ABCE1: variants seen among roughly 807,000 people sequenced by gnomAD.
The protein encoded by ABCE1 is ATP-binding cassette sub-family E member 1.
ABCE1 carries 22 observed loss-of-function variants against 83.4 expected under a neutral mutation model. That is an observed-to-expected ratio of 0.26 (90% CI 0.19 to 0.38). ABCE1 has a LOEUF of 0.38. ABCE1 is among the 10% of genes least tolerant of loss of function. ABCE1 has a pLI of 1.00. For synonymous variants in ABCE1, 204 were observed against 233.7 expected (o/e 0.87, Z 1.16); for missense variants, 330 against 721.9 (o/e 0.46, Z 6.22).
rs34616387 is a variant in ABCE1, at chr4:145,118,582, A to G, written c.922+1168A>G. Among the ~76,000 whole-genome samples the G allele has an allele frequency of 7.1e-3, 1,071 of 151,872 alleles. 7 individuals are homozygous for G. Among genetic ancestry groups the G allele is most frequent in the Middle Eastern group, 0.02 (6 of 294 alleles). Reference sequence around the variant, plus strand: ...TATTGAGTACCTTACTCTATACCATATGGTAGTCTTTGAATCAAGTTGATA... The same window carrying G: ...TATTGAGTACCTTACTCTATACCATGTGGTAGTCTTTGAATCAAGTTGATA... On this transcript the variant is annotated intron_variant, in intron 10 of 17. Transcript: ENST00000296577.
chr4:145,125,127 A>C (rs1749846417), intron 17 of ABCE1, 26 bp downstream of exon 17: 3 of 1,461,338 alleles, frequency 2.1e-6, no homozygotes, highest in Non-Finnish European at 2.9e-6. Context: ...GTCTTAAATC[A>C]TGGATTACTG....
At position 145,112,290 on chromosome 4, in the gene ABCE1, G is replaced by A. The variant is rs1018965403; in HGVS notation, c.762G>A (p.Lys254=). The A allele has an allele frequency of 5.0e-6, 8 of 1,594,076 alleles. No individual in the cohort carries two copies. In the Admixed American group the frequency reaches 8.9e-5, roughly 18 times the overall value. The part of the protein sequence containing the change: ...SSYLDVKQRL[K]AAITIRSLIN... ...ACCTAGATGTCAAGCAGCGTTTAAAGGCTGCTATTACTATACGATCTCTAA... is the reference window on the plus strand; with the variant it reads ...ACCTAGATGTCAAGCAGCGTTTAAAAGCTGCTATTACTATACGATCTCTAA... The change falls in exon 9 of 18, where the codon AAG becomes AAA. Residue 254 remains lysine (K), a synonymous_variant. Coordinates refer to ENST00000296577, the MANE Select transcript of ABCE1 (RefSeq NM_002940.3).
At chr4:145,125,468 AAAAAAT>A in intron 17 of ABCE1, among the ~76,000 whole-genome samples, 1 of 152,184 alleles carries the variant, frequency 6.6e-6, no homozygotes, top group Admixed American at 6.5e-5. Flanking sequence ...ACTCTGTCTA[AAAAAAT>A]AAAAATAAAT....
intron 8 of ABCE1, 129 bp from the exon 9 acceptor site, chr4:145,112,110 A>C (rs1749492891): frequency 1.6e-6 from 1 of 619,590 alleles, no homozygotes; most frequent in African/African-American, 1.9e-5. Flanking sequence ...TAGACTCTTC[A>C]TTACTATTGG....
chr4:145,109,003 G>A, intron 4 of ABCE1, 129 bp from the exon 5 acceptor site: 1 of 645,252 alleles, frequency 1.5e-6, no homozygotes, highest in Non-Finnish European at 2.7e-6. Context: ...GTAATATCTG[G>A]CATATGTTTC....
chr4:145,122,906 G>C (rs568453188), intron 13 of ABCE1, 115 bp from the exon 14 acceptor site: 1 of 677,436 alleles, frequency 1.5e-6, no homozygotes, highest in Non-Finnish European at 2.4e-6. Context: ...ATTGATATCT[G>C]TTGGTGGCAA....
At chr4:145,111,212 G>A in intron 8 of ABCE1, 148 bp downstream of exon 8, 7 of 510,820 alleles carry the variant, frequency 1.4e-5, no homozygotes, top group Non-Finnish European at 2.1e-5. Flanking sequence ...AAGCAGTTGT[G>A]TATCCACTAC....
chr4:145,123,022 G>T lies in ABCE1; in HGVS notation c.1265G>T (p.Gly422Val), dbSNP rs772558441. 1.3e-6 allele frequency: 2 copies of T among 1,560,830 alleles called. No homozygotes were observed. The highest frequency in any genetic ancestry group is 1.7e-6 in the Non-Finnish European group (2 of 1,154,746). ...KPQKISPKSTGSVRQLLHEKI... is the reference protein window; with the variant it reads ...KPQKISPKSTVSVRQLLHEKI... ...AATACTTTTTTATATTAAAAACAGG[G>T]AAGTGTTCGCCAGTTACTACATGAA... The change falls in exon 14 of 18, where the codon GGA (glycine) becomes GTA (valine). Residue 422 changes from glycine (G) to valine (V), a missense_variant and splice_region_variant. By Grantham distance (109) the Gly-to-Val change is moderately radical. Coordinates refer to ENST00000296577, the MANE Select transcript of ABCE1 (RefSeq NM_002940.3).
At chr4:145,113,379 A>G (rs1022339859) in intron 9 of ABCE1, among the ~76,000 whole-genome samples, 1 of 152,156 alleles carries the variant, frequency 6.6e-6, no homozygotes, top group South Asian at 2.1e-4. Context: ...TCGCCTGGCT[A>G]TGGAATTGAA....
At position 145,120,103 on chromosome 4, in the gene ABCE1, T is replaced by C; in HGVS notation, c.1094T>C (p.Val365Ala). 1 of 1,611,972 alleles carries C rather than the reference T, an allele frequency of 6.2e-7. No homozygotes were observed. Among genetic ancestry groups the C allele is most frequent in the Middle Eastern group, 1.7e-4 (1 of 6,052 alleles). ...ATGGGAGAATTTGAGCTAGCAATTG[T>C]AGCTGGAGAGTTTACAGATTCTGAA... ...KKMGEFELAI[V>A]AGEFTDSEIM... Residue 365 changes from valine to alanine, a missense_variant, in exon 11 of 18, where the codon GTA becomes GCA. By Grantham distance (64) the Val-to-Ala change is moderately conservative. Transcript: ENST00000296577.
intron 1 of ABCE1, among the ~76,000 whole-genome samples, chr4:145,101,519 C>T (rs1160088852): frequency 6.6e-6 from 1 of 152,096 alleles, no homozygotes; most frequent in Non-Finnish European, 1.5e-5. Flanking sequence ...AAAAGGCTTC[C>T]TATGGTTCCT....
intron 1 of ABCE1, among the ~76,000 whole-genome samples, chr4:145,100,276 C>G (rs1018356854): frequency 6.6e-6 from 1 of 152,146 alleles, no homozygotes; most frequent in Non-Finnish European, 1.5e-5. Context: ...ATCCCTTGAG[C>G]CCAGGAGTCC....
chr4:145,102,411 G>A (rs1749177074), intron 1 of ABCE1, among the ~76,000 whole-genome samples: 2 of 152,290 alleles, frequency 1.3e-5, no homozygotes, highest in South Asian at 4.1e-4. Flanking sequence ...GAGAATAATT[G>A]ATGAAGTTAA....
chr4:145,106,113 A>G (rs184460873), intron 3 of ABCE1, among the ~76,000 whole-genome samples: 9 of 152,088 alleles, frequency 5.9e-5, no homozygotes, highest in Non-Finnish European at 1.3e-4. Context: ...TCCCAATAGT[A>G]TAATACTTAA....
intron 7 of ABCE1, chr4:145,110,706 C>T (rs1749446252): frequency 1.8e-6 from 1 of 541,722 alleles, no homozygotes; most frequent in Non-Finnish European, 3.3e-6. Context: ...CGAACTCCCA[C>T]CTGCCTCAGC....
chr4:145,121,936 T>A (rs1390757933), intron 13 of ABCE1: 1 of 152,386 alleles, frequency 6.6e-6, no homozygotes, highest in African/African-American at 2.4e-5. Flanking sequence ...AAAAACCTAA[T>A]GTATTTTGTG....
Position 145,108,177 on chromosome 4 carries a change from G to A in ABCE1, c.287+65G>A, listed in dbSNP as rs1015951821. On this transcript the variant is annotated intron_variant, in intron 4 of 17. Coordinates refer to ENST00000296577, the MANE Select transcript of ABCE1 (RefSeq NM_002940.3). Reference sequence around the variant, plus strand: ...GAGTAAAATACATTTGGGATTTTAAGAGAAGTGCAGAAATTGGGGGGAAAT... The same window carrying A: ...GAGTAAAATACATTTGGGATTTTAAAAGAAGTGCAGAAATTGGGGGGAAAT... 15 of 1,414,326 alleles carry A rather than the reference G, an allele frequency of 1.1e-5. No homozygotes were observed. The African/African-American group carries it at 2.0e-4, about 19-fold the overall frequency. The allele number at this position is 1,414,326 out of a possible 1,614,324, so 87.6% of individuals were successfully genotyped here.
chr4:145,109,694 A>G (rs1254420387), intron 5 of ABCE1, among the ~76,000 whole-genome samples: 7 of 152,216 alleles, frequency 4.6e-5, no homozygotes, highest in African/African-American at 1.2e-4. Context: ...GCTTCACCAG[A>G]GTGTGAATGC....
rs189905665 is a variant in ABCE1, at chr4:145,106,671, T to C, written c.189+981T>C. On this transcript the variant is annotated intron_variant, in intron 3 of 17. Coordinates refer to ENST00000296577, the MANE Select transcript of ABCE1 (RefSeq NM_002940.3). ...TGTATAATTCCTGAACACTAAGATA[T>C]TATAATGTACCTCATATATGAACAG... Among the ~76,000 whole-genome samples the C allele has an allele frequency of 5.9e-5, 9 of 152,194 alleles. No individual in the cohort carries two copies. The East Asian group carries it at 1.3e-3, about 23-fold the overall frequency.
Sources: gnomAD v4.1 joint callset for allele counts (sites outside exome capture counted in the v4.1 genomes callset) on GRCh38, gnomAD v4.1.1 for gene constraint, MANE v1.5 for transcripts, NCBI Gene and HGNC (gene_info 2026-07-23, HGNC 2026-07-21) for gene names.